ANKS1B: variants seen among roughly 807,000 people sequenced by gnomAD.
ANKS1B encodes the protein ankyrin repeat and sterile alpha motif domain-containing protein 1B.
A neutral mutation model predicts 148.3 loss-of-function variants in ANKS1B; 36 were observed. The observed-to-expected ratio is 0.24, with a 90% CI of 0.19 to 0.32. The LOEUF (loss-of-function observed/expected upper bound fraction) is 0.32, where lower values mean the gene tolerates loss of function less well. Among genes scored for constraint, ANKS1B ranks in the 10% least tolerant of loss-of-function variants. The probability of loss-of-function intolerance (pLI) is 1.00; values close to 1 mark genes in which losing one functional copy is unlikely to be tolerated. For missense variants in ANKS1B, 1,157 were observed against 1,542.6 expected, an observed-to-expected ratio of 0.75 and a Z score of 4.19; for synonymous variants, 542 against 560.8, an observed-to-expected ratio of 0.97 and a Z score of 0.47.
intron 10 of ANKS1B, among the ~76,000 whole-genome samples, chr12:99,473,996 T>C (rs1254141488): frequency 1.3e-5 from 2 of 152,084 alleles, no homozygotes; most frequent in African/African-American, 4.8e-5. Flanking sequence ...TTTTTTTAAT[T>C]TGTTAAATTG....
intron 8 of ANKS1B, among the ~76,000 whole-genome samples, chr12:99,691,930 G>A (rs1446359873): frequency 2.0e-5 from 3 of 152,122 alleles, no homozygotes; most frequent in African/African-American, 7.2e-5. Context: ...GAAAACTCAT[G>A]GAATATGTTT....
chr12:98,948,900 C>T (rs2099849577), intron 17 of ANKS1B, among the ~76,000 whole-genome samples: 2 of 145,528 alleles, frequency 1.4e-5, no homozygotes, highest in Non-Finnish European at 3.0e-5. Context: ...AAATCAGGAA[C>T]AGAATAATGG....
chr12:99,716,289 C>A (rs1277647879), intron 8 of ANKS1B, among the ~76,000 whole-genome samples: 2 of 148,400 alleles, frequency 1.3e-5, no homozygotes, highest in East Asian at 3.9e-4. Context: ...ATTTCCACAC[C>A]CCGACCTCTT....
chr12:99,802,370 A>G (rs2067053442), intron 4 of ANKS1B, among the ~76,000 whole-genome samples: 2 of 152,172 alleles, frequency 1.3e-5, no homozygotes, highest in African/African-American at 2.4e-5. Context: ...TTCAAAATTC[A>G]TAAAAATAAT....
intron 1 of ANKS1B, among the ~76,000 whole-genome samples, chr12:99,971,477 T>A (rs1386785997): frequency 6.6e-6 from 1 of 152,168 alleles, no homozygotes; most frequent in Non-Finnish European, 1.5e-5. Context: ...AATAGAGCAG[T>A]TTTTTAGTAT....
intron 8 of ANKS1B, among the ~76,000 whole-genome samples, chr12:99,737,797 T>G (rs1180010340): frequency 1.3e-5 from 2 of 152,060 alleles, no homozygotes; most frequent in East Asian, 3.9e-4. Context: ...GGTCTTTGTT[T>G]TTTCTTCTCT....
At chr12:99,271,125 T>C (rs1263523406) in intron 12 of ANKS1B, among the ~76,000 whole-genome samples, 1 of 152,222 alleles carries the variant, frequency 6.6e-6, no homozygotes, top group Non-Finnish European at 1.5e-5. Context: ...TTGCGCTTTA[T>C]ATCTTGGCAA....
intron 1 of ANKS1B, among the ~76,000 whole-genome samples, chr12:99,939,274 G>C (rs1444820808): frequency 6.6e-6 from 1 of 152,054 alleles, no homozygotes; most frequent in Non-Finnish European, 1.5e-5. Flanking sequence ...ATTTTTTGTA[G>C]AGATGGGATC....
intron 11 of ANKS1B, among the ~76,000 whole-genome samples, chr12:99,407,525 C>A (rs1480274540): frequency 2.1e-5 from 3 of 145,038 alleles, no homozygotes; most frequent in African/African-American, 7.9e-5. Context: ...AGTAATCAGA[C>A]AAGAGAAAGA....
At chr12:99,315,914 T>C (rs1016464542) in intron 12 of ANKS1B, among the ~76,000 whole-genome samples, 2 of 151,990 alleles carry the variant, frequency 1.3e-5, no homozygotes, top group Admixed American at 1.3e-4. Flanking sequence ...AATGAGAACA[T>C]GTGGTGTTTG....
At chr12:98,817,776 A>G (rs2099153234) in intron 19 of ANKS1B, among the ~76,000 whole-genome samples, 1 of 152,234 alleles carries the variant, frequency 6.6e-6, no homozygotes, top group Non-Finnish European at 1.5e-5. Flanking sequence ...AGGAAATGCT[A>G]GAGTCAAGAA....
intron 9 of ANKS1B, among the ~76,000 whole-genome samples, chr12:99,632,727 C>CTAGATAGATATATATA (rs1419756181): frequency 2.6e-5 from 1 of 39,052 alleles, no homozygotes; most frequent in East Asian, 1.0e-3. Context: ...CCTTTTCTTT[C>CTAGATAGATATATATA]TATATATATA....
intron 9 of ANKS1B, among the ~76,000 whole-genome samples, chr12:99,618,049 C>T (rs1441418764): frequency 6.6e-6 from 1 of 152,116 alleles, no homozygotes; most frequent in Non-Finnish European, 1.5e-5. Flanking sequence ...TAATGCTTTC[C>T]ATAACTCACT....
chr12:98,936,531 G>A (rs1345069052), intron 17 of ANKS1B, among the ~76,000 whole-genome samples: 1 of 152,048 alleles, frequency 6.6e-6, no homozygotes, highest in African/African-American at 2.4e-5. Context: ...GGAGGCTGAG[G>A]CAGGAGAATC....
intron 11 of ANKS1B, among the ~76,000 whole-genome samples, chr12:99,400,026 A>G (rs931399535): frequency 1.3e-5 from 2 of 152,154 alleles, no homozygotes; most frequent in African/African-American, 2.4e-5. Flanking sequence ...GGCATAGTTG[A>G]TGTGATAGGT....
chr12:98,749,731 C>T (rs770211844), intron 26 of ANKS1B, among the ~76,000 whole-genome samples: 27 of 152,070 alleles, frequency 1.8e-4, no homozygotes, highest in Non-Finnish European at 3.1e-4. Context: ...AAACTGCATT[C>T]TGGGTACTTG....
chr12:98,744,432 A>G lies in ANKS1B; in HGVS notation c.*1307T>C, dbSNP rs1466702286. 3.7e-6 allele frequency: 3 copies of G among 801,088 alleles called. No homozygotes were observed. The highest frequency in any genetic ancestry group is 1.3e-4 in the East Asian group (1 of 7,948). 49.6% of individuals were successfully genotyped at this position (801,088 alleles called of 1,614,324 possible). ...CAATATCGCTATAATGAACTTCAAA[A>G]TGATTCACAATATGATTGTTAGAAC... On this transcript the variant is annotated 3_prime_UTR_variant, in exon 27 of 27. Transcript: ENST00000683438.
chr12:99,851,128 G>T (rs1296809203), intron 1 of ANKS1B, among the ~76,000 whole-genome samples: 1 of 151,992 alleles, frequency 6.6e-6, no homozygotes, highest in East Asian at 1.9e-4. Context: ...GAGCTAAACT[G>T]AGTTGTTGCT....
chr12:98,934,010 G>GTTTTT (rs1173696420), intron 17 of ANKS1B, among the ~76,000 whole-genome samples: 2 of 151,852 alleles, frequency 1.3e-5, no homozygotes, highest in Admixed American at 1.3e-4. Flanking sequence ...TTTTTATTTT[G>GTTTTT]ATGTAGTCCT....
Sources: allele counts gnomAD v4.1 joint callset (sites outside exome capture counted in the v4.1 genomes callset), GRCh38; gene constraint gnomAD v4.1.1; transcripts MANE v1.5; gene names NCBI Gene and HGNC (gene_info 2026-07-23, HGNC 2026-07-21).